The following FGF12 variants were observed in gnomAD, a reference collection of about 807,000 sequenced individuals.
FGF12 encodes the protein fibroblast growth factor 12, also known as fibroblast growth factor 12B.
Under a neutral mutation model 23.6 loss-of-function variants are expected in FGF12, and 14 were observed. The observed-to-expected ratio is 0.59, with a 90% confidence interval of 0.39 to 0.93. FGF12 has a LOEUF of 0.93. Ranked by LOEUF, FGF12 falls within the 40% of genes least tolerant of loss-of-function variation. The probability of loss-of-function intolerance (pLI) is 0.00; values close to 1 mark genes in which losing one functional copy is unlikely to be tolerated. For synonymous variants in FGF12, 62 were observed against 77.3 expected, an observed-to-expected ratio of 0.80 and a Z score of 1.04; for missense variants, 175 against 217.8, an observed-to-expected ratio of 0.80 and a Z score of 1.24.
chr3:192,303,494 T>C (rs1248971623), intron 4 of FGF12, among the ~76,000 whole-genome samples: 2 of 152,220 alleles, frequency 1.3e-5, no homozygotes, highest in Non-Finnish European at 2.9e-5. Flanking sequence ...TGACATCTCA[T>C]TTATCTGGCA....
At chr3:192,177,449 T>C (rs781094221) in intron 4 of FGF12, among the ~76,000 whole-genome samples, 1 of 152,230 alleles carries the variant, frequency 6.6e-6, no homozygotes. Flanking sequence ...TCAGAACCGC[T>C]TTTGCTCCCA....
chr3:192,318,332 G>A (rs1436495521), intron 4 of FGF12, among the ~76,000 whole-genome samples: 1 of 152,064 alleles, frequency 6.6e-6, no homozygotes, highest in Non-Finnish European at 1.5e-5. Context: ...CAAAATTCAA[G>A]ATAACACAGA....
At chr3:192,211,615 C>A (rs762505414) in intron 4 of FGF12, among the ~76,000 whole-genome samples, 36 of 151,844 alleles carry the variant, frequency 2.4e-4, no homozygotes, top group Non-Finnish European at 3.7e-4. Context: ...TTAGTAGAGA[C>A]GGGGTTTCAT....
chr3:192,211,797 A>C (rs942189104), intron 4 of FGF12, among the ~76,000 whole-genome samples: 1 of 152,200 alleles, frequency 6.6e-6, no homozygotes, highest in Non-Finnish European at 1.5e-5. Flanking sequence ...AGAAGGTATT[A>C]GATCTGCTGC....
At chr3:192,376,589 C>T (rs1005832091) in intron 2 of FGF12, among the ~76,000 whole-genome samples, 4 of 151,978 alleles carry the variant, frequency 2.6e-5, no homozygotes, top group Non-Finnish European at 4.4e-5. Context: ...CTCAAACTCC[C>T]GGCCTCAGGT....
chr3:192,320,907 A>C (rs1488200042), intron 4 of FGF12, among the ~76,000 whole-genome samples: 1 of 152,086 alleles, frequency 6.6e-6, no homozygotes, highest in East Asian at 1.9e-4. Context: ...GAACTAAAAA[A>C]ACAAGAGCAA....
chr3:192,262,023 A>T (rs543304505), intron 4 of FGF12, among the ~76,000 whole-genome samples: 1 of 152,304 alleles, frequency 6.6e-6, no homozygotes, highest in Non-Finnish European at 1.5e-5. Context: ...GTGTTCAGAT[A>T]ATAGCTTGAA....
At position 192,548,543 on chromosome 3, in the gene FGF12, G is replaced by A. The variant is rs1453282481; in HGVS notation, c.13+178638C>T. ...TTTGCTAGATTGATTCTTATCAACT[G>A]TGTGGCTATCACCTGTATTTTCAGT... On this transcript the variant is annotated intron_variant, in intron 2 of 5. Transcript: ENST00000445105. Among the ~76,000 whole-genome samples, 7 of 152,224 alleles carry A rather than the reference G, an allele frequency of 4.6e-5. No homozygotes were observed. The East Asian group carries it at 1.4e-3, about 29-fold the overall frequency.
intron 4 of FGF12, among the ~76,000 whole-genome samples, chr3:192,301,481 C>A (rs1324404578): frequency 6.6e-6 from 1 of 152,170 alleles, no homozygotes; most frequent in Non-Finnish European, 1.5e-5. Flanking sequence ...AGAAACACCA[C>A]AAATGGTCTT....
intron 2 of FGF12, among the ~76,000 whole-genome samples, chr3:192,550,911 T>A (rs527746335): frequency 1.3e-5 from 2 of 152,306 alleles, no homozygotes; most frequent in East Asian, 3.9e-4. Context: ...CCCCATTTAT[T>A]TTAGCTTCCT....
At chr3:192,564,104 C>A (rs1399671777) in intron 2 of FGF12, among the ~76,000 whole-genome samples, 1 of 152,078 alleles carries the variant, frequency 6.6e-6, no homozygotes, top group East Asian at 1.9e-4. Context: ...CCCTCTGTAG[C>A]CCAGGCTGGA....
chr3:192,280,277 T>C (rs1714067318), intron 4 of FGF12, among the ~76,000 whole-genome samples: 1 of 152,180 alleles, frequency 6.6e-6, no homozygotes, highest in South Asian at 2.1e-4. Flanking sequence ...ATTTATTTCC[T>C]TGTCATAGCT....
intron 2 of FGF12, among the ~76,000 whole-genome samples, chr3:192,499,747 A>G (rs941398627): frequency 6.6e-6 from 1 of 150,850 alleles, no homozygotes; most frequent in Non-Finnish European, 1.5e-5. Flanking sequence ...AATGTTAGTT[A>G]AAGTGTTAGC....
intron 4 of FGF12, among the ~76,000 whole-genome samples, chr3:192,244,033 T>C (rs933648275): frequency 2.0e-5 from 3 of 152,156 alleles, no homozygotes; most frequent in Non-Finnish European, 4.4e-5. Flanking sequence ...TAGAATTTTT[T>C]ATCCATCATA....
intron 2 of FGF12, among the ~76,000 whole-genome samples, chr3:192,562,216 T>A (rs1000613363): frequency 6.6e-6 from 1 of 151,992 alleles, no homozygotes; most frequent in Non-Finnish European, 1.5e-5. Flanking sequence ...ATGAGAAAAA[T>A]TAGATAATTG....
intron 2 of FGF12, among the ~76,000 whole-genome samples, chr3:192,421,001 A>G (rs1287838343): frequency 6.6e-6 from 1 of 152,182 alleles, no homozygotes; most frequent in Non-Finnish European, 1.5e-5. Context: ...TATCAATAAA[A>G]TGCTACAAAA....
At chr3:192,650,575 T>C (rs1716180009) in intron 2 of FGF12, among the ~76,000 whole-genome samples, 1 of 152,198 alleles carries the variant, frequency 6.6e-6, no homozygotes, top group African/African-American at 2.4e-5. Flanking sequence ...ACTGTCATAC[T>C]TTGTCCTTAA....
intron 2 of FGF12, among the ~76,000 whole-genome samples, chr3:192,686,528 A>G (rs1158898801): frequency 2.0e-5 from 3 of 152,142 alleles, no homozygotes; most frequent in Non-Finnish European, 4.4e-5. Context: ...TTATTAAGAT[A>G]TTAACTTACA....
At position 192,449,992 on chromosome 3, in the gene FGF12, T is replaced by G. The variant is rs537156140; in HGVS notation, c.14-89454A>C. On this transcript the variant is annotated intron_variant, in intron 2 of 5. Transcript: ENST00000445105. Reference sequence around the variant, plus strand: ...TTACTTCAATCCACATTACAATGAATAATTCTTATATTAAACTCTCACTTT... The same window carrying G: ...TTACTTCAATCCACATTACAATGAAGAATTCTTATATTAAACTCTCACTTT... Among the ~76,000 whole-genome samples the G allele has an allele frequency of 9.8e-5, 15 of 152,324 alleles. No individual in the cohort carries two copies. In the South Asian group the frequency reaches 3.1e-3, roughly 32 times the overall value.
Sources: allele counts gnomAD v4.1 joint callset (sites outside exome capture counted in the v4.1 genomes callset), GRCh38; gene constraint gnomAD v4.1.1; transcripts MANE v1.5; gene names NCBI Gene and HGNC (gene_info 2026-07-23, HGNC 2026-07-21).